ATM: variants seen among roughly 807,000 people sequenced by gnomAD.
ATM encodes the protein serine-protein kinase ATM.
A neutral mutation model predicts 387.0 loss-of-function variants in ATM; 308 were observed. That is an observed-to-expected ratio of 0.80 (90% CI 0.73 to 0.87). The LOEUF (loss-of-function observed/expected upper bound fraction) is 0.87, where lower values mean the gene tolerates loss of function less well. ATM is among the 40% of genes least tolerant of loss of function. ATM has a pLI of 0.00. For synonymous variants in ATM, 1,156 were observed against 1,187.3 expected, an observed-to-expected ratio of 0.97 and a Z score of 0.54; for missense variants, 3,312 against 3,560.9, an observed-to-expected ratio of 0.93 and a Z score of 1.78.
chr11:108,227,829 T>C lies in ATM; in HGVS notation c.126T>C (p.His42=). The change falls in exon 3 of 63, where the codon CAT becomes CAC. Residue 42 remains histidine, a synonymous_variant. Coordinates refer to ENST00000675843, the MANE Select transcript of ATM (RefSeq NM_000051.4). ...TTCGAGATCCTGAAACAATTAAACA[T>C]CTAGATCGGCATTCAGATTCCAAAC... ...RLIRDPETIK[H]LDRHSDSKQG... is the part of the protein sequence containing the mutation. The C allele has an allele frequency of 6.2e-7, 1 of 1,613,694 alleles. No individual in the cohort carries two copies.
chr11:108,353,428 G>A (rs1219118584), intron 59 of ATM, among the ~76,000 whole-genome samples: 2 of 151,902 alleles, frequency 1.3e-5, no homozygotes, highest in African/African-American at 4.8e-5. Context: ...ATTACAGGCG[G>A]GAGCCACCAC....
At chr11:108,296,720 A>G (rs2083141781) in intron 32 of ATM, among the ~76,000 whole-genome samples, 2 of 152,238 alleles carry the variant, frequency 1.3e-5, no homozygotes, top group South Asian at 4.1e-4. Flanking sequence ...TTTATGGGCT[A>G]GAGATCTGCC....
chr11:108,287,943 A>G (rs1278712793), intron 27 of ATM, among the ~76,000 whole-genome samples: 4 of 152,158 alleles, frequency 2.6e-5, no homozygotes, highest in South Asian at 2.1e-4. Context: ...GGCCAACCCA[A>G]TAACCTTTTC....
chr11:108,301,567 T>C (rs1256524391), intron 34 of ATM, 81 bp from the exon 35 acceptor site: 1 of 1,569,958 alleles, frequency 6.4e-7, no homozygotes, highest in Admixed American at 1.7e-5. Flanking sequence ...ATTTTAGTTT[T>C]GAAATTTTTT....
intron 33 of ATM, chr11:108,299,339 C>T (rs889671358): frequency 1.2e-5 from 2 of 170,168 alleles, no homozygotes; most frequent in African/African-American, 2.4e-5. Context: ...CTTTTGTCAC[C>T]CAGGCTAGAG....
At chr11:108,304,335 C>T (rs567902229) in intron 36 of ATM, among the ~76,000 whole-genome samples, 3 of 152,262 alleles carry the variant, frequency 2.0e-5, no homozygotes, top group Admixed American at 6.5e-5. Context: ...CTGTTACTAA[C>T]GCTTTTCAAC....
chr11:108,232,511 A>G (rs955696165), intron 4 of ATM, among the ~76,000 whole-genome samples: 2 of 133,798 alleles, frequency 1.5e-5, no homozygotes, highest in Admixed American at 7.5e-5. Flanking sequence ...GTAAGCAAAT[A>G]TTGTTGATTT....
intron 27 of ATM, 146 bp downstream of exon 27, chr11:108,287,861 G>A (rs538571502): frequency 3.2e-6 from 2 of 628,418 alleles, no homozygotes; most frequent in East Asian, 2.8e-5. Flanking sequence ...CCTTTGAATT[G>A]AGGTAATTAC....
intron 60 of ATM, 113 bp downstream of exon 60, chr11:108,353,993 ATTGT>A: frequency 9.8e-7 from 1 of 1,018,204 alleles, no homozygotes; most frequent in Non-Finnish European, 1.5e-6. Context: ...AAGTGGGAGG[ATTGT>A]TTGAGCCCAG....
At chr11:108,299,096 T>C (rs1020048843) in intron 33 of ATM, among the ~76,000 whole-genome samples, 5 of 152,148 alleles carry the variant, frequency 3.3e-5, no homozygotes, top group Non-Finnish European at 7.4e-5. Context: ...TCAAAAAATT[T>C]GTGAACATAT....
intron 38 of ATM, chr11:108,308,213 CT>C (rs1472313267): frequency 3.6e-6 from 2 of 548,634 alleles, no homozygotes; most frequent in South Asian, 2.0e-5. Context: ...ACCATGTTAC[CT>C]TTGTTAAATT....
intron 22 of ATM, among the ~76,000 whole-genome samples, chr11:108,274,438 CTA>C (rs2081814694): frequency 1.3e-5 from 2 of 152,090 alleles, no homozygotes; most frequent in African/African-American, 4.8e-5. Flanking sequence ...TCTTGCTTCT[CTA>C]GTTCTTTTAA....
chr11:108,292,990 T>TCTA (rs2082886496), intron 30 of ATM, among the ~76,000 whole-genome samples, 197 bp downstream of exon 30: 1 of 152,214 alleles, frequency 6.6e-6, no homozygotes, highest in Admixed American at 6.5e-5. Context: ...GATAGTTTTA[T>TCTA]CTACTGTGCT....
In ATM at chr11:108,353,749, T is replaced by C; in HGVS notation, c.8672-17T>C. On this transcript the variant is annotated splice_polypyrimidine_tract_variant and intron_variant, in intron 59 of 62. Transcript: ENST00000675843. The stretch of plus-strand genomic sequence containing the variant: ...TAGCTGTCAAACCTCCTAACTTCAC[T>C]GTATTCTTTACTTTAGGTGTTGCTT... The C allele has an allele frequency of 6.4e-7, 1 of 1,572,438 alleles. No individual in the cohort carries two copies. Among genetic ancestry groups the C allele is most frequent in the East Asian group, 2.2e-5 (1 of 44,644 alleles).
At chr11:108,259,767 T>C (rs1287034850) in intron 16 of ATM, among the ~76,000 whole-genome samples, 1 of 152,208 alleles carries the variant, frequency 6.6e-6, no homozygotes, top group Admixed American at 6.5e-5. Flanking sequence ...TATTTATTTT[T>C]CTTCCATACA....
chr11:108,259,584 C>T (rs1221779556), intron 16 of ATM, among the ~76,000 whole-genome samples: 1 of 152,164 alleles, frequency 6.6e-6, no homozygotes, highest in Non-Finnish European at 1.5e-5. Context: ...CAATACCTAG[C>T]ATAGTAGTGC....
intron 5 of ATM, 82 bp downstream of exon 5, chr11:108,235,916 C>A (rs2135128945): frequency 6.7e-7 from 1 of 1,483,800 alleles, no homozygotes; most frequent in Non-Finnish European, 9.4e-7. Flanking sequence ...CTGTATCTGT[C>A]TATATCCCCC....
Position 108,278,949 on chromosome 11 carries a change from C to A in ATM, c.3285-542C>A, listed in dbSNP as rs184396995. Among the ~76,000 whole-genome samples the A allele has an allele frequency of 2.8e-3, 427 of 152,176 alleles. 1 individual carries two copies. Among genetic ancestry groups the A allele is most frequent in the Non-Finnish European group, 4.8e-3 (329 of 67,990 alleles). On this transcript the variant is annotated intron_variant, in intron 22 of 62. Coordinates refer to ENST00000675843, the MANE Select transcript of ATM (RefSeq NM_000051.4). ...ACTAGAAGAATCAGAGGAACATAAACAATTATAAAAGCTTCGATTACTAAA... is the reference window on the plus strand; with the variant it reads ...ACTAGAAGAATCAGAGGAACATAAAAAATTATAAAAGCTTCGATTACTAAA...
rs142080730 is a variant in ATM at position 108,304,507 on chromosome 11, T to C, written c.5497-168T>C. On this transcript the variant is annotated intron_variant, in intron 36 of 62. Transcript: ENST00000675843. ...GTGTGGTTTTTTAAACACCACCTAATACATGTTTTTTGTTTGTTTTTTTAG... is the reference window on the plus strand; with the variant it reads ...GTGTGGTTTTTTAAACACCACCTAACACATGTTTTTTGTTTGTTTTTTTAG... 3.1e-3 allele frequency among the ~76,000 whole-genome samples: 477 copies of C among 152,320 alleles called. 7 individuals are homozygous for C. Among genetic ancestry groups the C allele is most frequent in the Non-Finnish European group, 2.7e-3 (185 of 68,022 alleles).
Sources: gnomAD v4.1 joint callset for allele counts (sites outside exome capture counted in the v4.1 genomes callset) on GRCh38, gnomAD v4.1.1 for gene constraint, MANE v1.5 for transcripts, NCBI Gene and HGNC (gene_info 2026-07-23, HGNC 2026-07-21) for gene names.